The following DNAH3 variants were observed in gnomAD, a reference collection of about 807,000 sequenced individuals.
DNAH3 encodes the protein dynein axonemal heavy chain 3, also known as axonemal beta dynein heavy chain 3.
DNAH3 carries 332 observed loss-of-function variants against 432.5 expected under a neutral mutation model. That is an observed-to-expected ratio of 0.77 (90% CI 0.70 to 0.84). The LOEUF (loss-of-function observed/expected upper bound fraction) is 0.84. DNAH3 is among the 40% of genes least tolerant of loss of function. DNAH3 has a pLI of 0.00. For missense variants in DNAH3, 4,861 were observed against 5,114.0 expected, an observed-to-expected ratio of 0.95 and a Z score of 1.51; for synonymous variants, 1,956 against 1,900.2, an observed-to-expected ratio of 1.03 and a Z score of -0.76.
chr16:21,145,874 T>A, intron 2 of DNAH3, 110 bp downstream of exon 3: 2 of 730,330 alleles, frequency 2.7e-6, no homozygotes, highest in South Asian at 3.2e-5. Context: ...ACTTGTCAGG[T>A]CTGTTTGACT....
chr16:21,000,659 G>A, intron 42 of DNAH3, 141 bp from the exon 43 acceptor site: 1 of 665,898 alleles, frequency 1.5e-6, no homozygotes. Context: ...CCTCTCCATG[G>A]GCCTCAGTTT....
At chr16:20,985,345 C>A (rs1434918313) in exon 48 of DNAH3, 2 of 1,614,158 alleles carry the variant, frequency 1.2e-6, no homozygotes, top group South Asian at 2.2e-5. Flanking sequence ...CCAGTCATTG[C>A]CTGCGTAGTT....
chr16:20,984,394 GT>G (rs1380154080), intron 48 of DNAH3, among the ~76,000 whole-genome samples: 1 of 152,106 alleles, frequency 6.6e-6, no homozygotes, highest in African/African-American at 2.4e-5. Context: ...AGATAAGAGA[GT>G]GGATATGAGA....
At chr16:20,949,322 C>T (rs1245789355) in intron 56 of DNAH3, among the ~76,000 whole-genome samples, 5 of 146,270 alleles carry the variant, frequency 3.4e-5, no homozygotes, top group East Asian at 2.0e-4. Context: ...AGCGAAACTT[C>T]GTCTCAAAAA....
chr16:21,056,176 T>G (rs1329008936), intron 27 of DNAH3, among the ~76,000 whole-genome samples: 4 of 152,208 alleles, frequency 2.6e-5, no homozygotes, highest in Non-Finnish European at 5.9e-5. Context: ...AGTGTCTTCC[T>G]GCTGGAATAC....
chr16:21,077,166 TA>T (rs1485767871), intron 20 of DNAH3, among the ~76,000 whole-genome samples: 1 of 139,748 alleles, frequency 7.2e-6, no homozygotes, highest in East Asian at 2.2e-4. Context: ...TGATTTCTTT[TA>T]TTTTTTTTTC....
chr16:20,966,100 C>T (rs529337280), intron 52 of DNAH3, among the ~76,000 whole-genome samples: 10 of 122,416 alleles, frequency 8.2e-5, no homozygotes, highest in East Asian at 2.7e-4. Flanking sequence ...TGCAATGGTG[C>T]GACCTTGGCT....
At chr16:21,048,163 G>A (rs977522847) in intron 31 of DNAH3, among the ~76,000 whole-genome samples, 2 of 152,240 alleles carry the variant, frequency 1.3e-5, no homozygotes, top group Non-Finnish European at 2.9e-5. Flanking sequence ...GGTGGAGCCT[G>A]CAGAGGCAGG....
intron 24 of DNAH3, among the ~76,000 whole-genome samples, chr16:21,064,735 T>TA (rs1184090800): frequency 6.6e-6 from 1 of 152,128 alleles, no homozygotes; most frequent in Non-Finnish European, 1.5e-5. Context: ...AATTAAAATC[T>TA]TTTTTTAGCA....
chr16:20,958,390 AAAT>A (rs2084670420), intron 54 of DNAH3, among the ~76,000 whole-genome samples: 1 of 151,998 alleles, frequency 6.6e-6, no homozygotes, highest in Non-Finnish European at 1.5e-5. Context: ...TTTTTTAGAC[AAAT>A]AATAATTTTT....
chr16:21,041,689 G>A (rs186882560), intron 32 of DNAH3, among the ~76,000 whole-genome samples: 1 of 152,140 alleles, frequency 6.6e-6, no homozygotes, highest in East Asian at 1.9e-4. Context: ...TTTTTTTTGA[G>A]ATGGAGTTTC....
exon 53 of DNAH3, chr16:20,964,556 T>C (rs761966312): frequency 1.2e-6 from 2 of 1,614,202 alleles, no homozygotes; most frequent in Middle Eastern, 1.6e-4. Flanking sequence ...CTCATGTAGT[T>C]GCTATCAGAG....
At chr16:21,006,337 T>C (rs1327412152) in intron 41 of DNAH3, among the ~76,000 whole-genome samples, 1 of 152,250 alleles carries the variant, frequency 6.6e-6, no homozygotes, top group Non-Finnish European at 1.5e-5. Flanking sequence ...ATCTACAAAC[T>C]TTCTACAGCT....
At position 21,121,125 on chromosome 16, in the gene DNAH3, G is replaced by C. The variant is rs775778662; in HGVS notation, c.1585-271C>G. 13 of 557,620 alleles carry C rather than the reference G, an allele frequency of 2.3e-5. No homozygotes were observed. The East Asian group carries it at 4.9e-4, about 21-fold the overall frequency. The allele number at this position is 557,620 out of a possible 1,614,324, so 34.5% of individuals were successfully genotyped here. A position where few individuals can be genotyped will look rare whatever the true frequency, so the allele number is the denominator to read the frequency against. On this transcript the variant is annotated intron_variant, in intron 10 of 61. Transcript: ENST00000261383. ...CATGGAGAGAGTGAGAAGGTGGAAG[G>C]GTGAGGGAGCTAGCCAGCAAGACCC...
At chr16:21,139,939 C>T (rs1163508719) in intron 5 of DNAH3, among the ~76,000 whole-genome samples, 2 of 151,930 alleles carry the variant, frequency 1.3e-5, no homozygotes, top group Non-Finnish European at 2.9e-5. Flanking sequence ...GCCACCATGC[C>T]TGGCTAATTT....
At chr16:21,155,924 T>A (rs2152838322) in intron 1 of DNAH3, among the ~76,000 whole-genome samples, 1 of 152,266 alleles carries the variant, frequency 6.6e-6, no homozygotes, top group South Asian at 2.1e-4. Context: ...CTAAAATAGT[T>A]GTTTAAGCAG....
rs570512280 is a variant in DNAH3 at position 21,052,119 on chromosome 16, A to G, written c.4040-251T>C. On this transcript the variant is annotated intron_variant, in intron 28 of 61. Coordinates refer to ENST00000261383, the Ensembl canonical transcript of DNAH3. ...CGATTCTCCTGCCTCAGCCTCCCAA[A>G]TAGCTGGGATTATAGGCGCACGCCA... Among the ~76,000 whole-genome samples, 86 of 152,012 alleles carry G rather than the reference A, an allele frequency of 5.7e-4. 1 individual carries two copies. In the South Asian group the frequency reaches 0.018, roughly 31 times the overall value.
intron 18 of DNAH3, among the ~76,000 whole-genome samples, chr16:21,091,555 T>A (rs1455741052): frequency 1.3e-5 from 2 of 152,294 alleles, no homozygotes; most frequent in East Asian, 3.9e-4. Flanking sequence ...CAGTGGCTCA[T>A]GCCTGTAATC....
chr16:21,147,940 G>T (rs1296935036), intron 1 of DNAH3, among the ~76,000 whole-genome samples: 1 of 152,208 alleles, frequency 6.6e-6, no homozygotes. Context: ...TTATTGAGAG[G>T]TGCTGCCGTT....
Sources: allele counts gnomAD v4.1 joint callset (sites outside exome capture counted in the v4.1 genomes callset), GRCh38; gene constraint gnomAD v4.1.1; transcripts MANE v1.5; gene names NCBI Gene and HGNC (gene_info 2026-07-23, HGNC 2026-07-21).